Variants in IL1RAPL2 observed in about 807,000 individuals in gnomAD.
IL1RAPL2 encodes the protein X-linked interleukin-1 receptor accessory protein-like 2.
In IL1RAPL2, 3 loss-of-function variants were observed where a neutral mutation model predicts 44.1. The observed-to-expected ratio is 0.07, with a 90% CI of 0.03 to 0.18. The LOEUF is 0.18. Ranked by LOEUF, IL1RAPL2 falls within the 10% of genes least tolerant of loss-of-function variation. The pLI is 1.00. For missense variants in IL1RAPL2, 391 were observed against 496.4 expected, an observed-to-expected ratio of 0.79 and a Z score of 2.02; for synonymous variants, 181 against 178.8, an observed-to-expected ratio of 1.01 and a Z score of -0.10.
intron 2 of IL1RAPL2, among the ~76,000 whole-genome samples, chrX:104,791,421 C>T (rs747288487): frequency 1.8e-5 from 2 of 111,796 alleles, no homozygotes; most frequent in African/African-American, 6.5e-5. Flanking sequence ...AGAACTTCCT[C>T]TCCAGTGCTG....
intron 4 of IL1RAPL2, among the ~76,000 whole-genome samples, chrX:105,263,934 G>A (rs2034380970): frequency 9.0e-6 from 1 of 111,583 alleles, no homozygotes; most frequent in South Asian, 3.8e-4. Flanking sequence ...GCCTTTGGTG[G>A]TTTGTCCTGG....
chrX:105,139,457 C>T (rs754676821), intron 2 of IL1RAPL2, among the ~76,000 whole-genome samples: 1 of 111,610 alleles, frequency 9.0e-6, no homozygotes, highest in East Asian at 2.8e-4. Context: ...AACTAAGTGG[C>T]TTTTCTTAGT....
chrX:104,947,019 T>G (rs1170872964), intron 2 of IL1RAPL2, among the ~76,000 whole-genome samples: 2 of 104,881 alleles, frequency 1.9e-5, no homozygotes, highest in Admixed American at 2.1e-4. Context: ...TGAACTAGTT[T>G]ACAGTCCCAC....
intron 2 of IL1RAPL2, among the ~76,000 whole-genome samples, chrX:104,806,980 A>C (rs1484570889): frequency 9.0e-6 from 1 of 111,247 alleles, no homozygotes; most frequent in Non-Finnish European, 1.9e-5. Context: ...GATGGCAGAA[A>C]GATGCCAACA....
chrX:104,707,003 C>T (rs1231411553), intron 2 of IL1RAPL2, among the ~76,000 whole-genome samples: 1 of 111,541 alleles, frequency 9.0e-6, no homozygotes, highest in Non-Finnish European at 1.9e-5. Context: ...AAATCTACTA[C>T]TGGATATTTT....
chrX:104,827,998 A>G (rs1348313681), intron 2 of IL1RAPL2, among the ~76,000 whole-genome samples: 1 of 111,225 alleles, frequency 9.0e-6, no homozygotes, highest in African/African-American at 3.3e-5. Context: ...TTCTTCTCTA[A>G]ACTGTTTATT....
chrX:104,985,068 T>C (rs2030534440), intron 2 of IL1RAPL2, among the ~76,000 whole-genome samples: 1 of 104,235 alleles, frequency 9.6e-6, no homozygotes. Context: ...AGTGCTTGTT[T>C]ATCTCATTTT....
At chrX:104,980,513 ACT>A (rs760074475) in intron 2 of IL1RAPL2, among the ~76,000 whole-genome samples, 145 of 112,303 alleles carry the variant, frequency 1.3e-3, no homozygotes, top group African/African-American at 4.6e-3. Context: ...TAGAAGACAC[ACT>A]CCATGTAAAG....
chrX:104,732,724 T>A (rs1306796837), intron 2 of IL1RAPL2, among the ~76,000 whole-genome samples: 2 of 111,778 alleles, frequency 1.8e-5, no homozygotes, highest in African/African-American at 6.5e-5. Context: ...CCATTTTATA[T>A]AACTTCTTCA....
At chrX:105,033,929 A>T (rs1331098757) in intron 2 of IL1RAPL2, among the ~76,000 whole-genome samples, 3 of 111,065 alleles carry the variant, frequency 2.7e-5, no homozygotes, top group Non-Finnish European at 3.8e-5. Context: ...ATTTCTTTTT[A>T]TTCTTTTTTC....
At chrX:105,655,240 A>G (rs2037669495) in intron 6 of IL1RAPL2, among the ~76,000 whole-genome samples, 1 of 112,436 alleles carries the variant, frequency 8.9e-6, no homozygotes, top group African/African-American at 3.2e-5. Context: ...TTGGGCTCTA[A>G]ATCAGGACCC....
At chrX:105,427,058 A>G (rs900122967) in intron 5 of IL1RAPL2, among the ~76,000 whole-genome samples, 3 of 112,886 alleles carry the variant, frequency 2.7e-5, no homozygotes, top group African/African-American at 9.6e-5. Context: ...GCAGCAATAC[A>G]ATATACCATG....
intron 2 of IL1RAPL2, among the ~76,000 whole-genome samples, chrX:104,767,281 C>A (rs1160438475): frequency 2.7e-5 from 3 of 111,844 alleles, no homozygotes; most frequent in Non-Finnish European, 5.6e-5. Context: ...TTCATGTTCT[C>A]ATTGCAATTT....
At chrX:104,635,672 G>T (rs1409682413) in intron 1 of IL1RAPL2, among the ~76,000 whole-genome samples, 1 of 111,460 alleles carries the variant, frequency 9.0e-6, no homozygotes, top group African/African-American at 3.3e-5. Flanking sequence ...TGTAGTTCTC[G>T]TTCCGTGGTT....
intron 2 of IL1RAPL2, among the ~76,000 whole-genome samples, chrX:104,814,188 T>G (rs1440578450): frequency 9.0e-6 from 1 of 111,344 alleles, no homozygotes. Flanking sequence ...CCTTCACAAA[T>G]AGTATTTGTG....
intron 2 of IL1RAPL2, among the ~76,000 whole-genome samples, chrX:105,037,206 T>A (rs1223647127): frequency 9.0e-6 from 1 of 111,508 alleles, no homozygotes; most frequent in Non-Finnish European, 1.9e-5. Flanking sequence ...AATTGGTTGT[T>A]GAATGGAAAG....
At chrX:105,680,969 A>T (rs1263841927) in intron 6 of IL1RAPL2, among the ~76,000 whole-genome samples, 1 of 112,100 alleles carries the variant, frequency 8.9e-6, no homozygotes, top group East Asian at 2.8e-4. Context: ...GCCACGTAGA[A>T]ATGTGATTAG....
At chrX:104,962,599 C>T (rs184938835) in intron 2 of IL1RAPL2, among the ~76,000 whole-genome samples, 23 of 112,345 alleles carry the variant, frequency 2.0e-4, no homozygotes, top group Non-Finnish European at 3.8e-4. Context: ...TATACTTACT[C>T]TAAGGAAAAG....
intron 2 of IL1RAPL2, among the ~76,000 whole-genome samples, chrX:104,932,001 T>A (rs1297009861): frequency 1.5e-4 from 15 of 102,167 alleles, no homozygotes; most frequent in African/African-American, 4.9e-4. Flanking sequence ...TATATATTTT[T>A]TTTTTTTTGA....
Sources: allele counts gnomAD v4.1 joint callset (sites outside exome capture counted in the v4.1 genomes callset), GRCh38; gene constraint gnomAD v4.1.1; transcripts MANE v1.5; gene names NCBI Gene and HGNC (gene_info 2026-07-23, HGNC 2026-07-21).